Variants in HECTD4 observed in about 807,000 individuals in gnomAD.
The protein encoded by HECTD4 is HECT domain E3 ubiquitin protein ligase 4, also known as probable E3 ubiquitin-protein ligase HECTD4.
In HECTD4, 114 loss-of-function variants were observed where a neutral mutation model predicts 471.5. The ratio of observed to expected loss-of-function variants is 0.24; its 90% CI spans 0.21 to 0.28. The LOEUF (loss-of-function observed/expected upper bound fraction) is 0.28, where lower values mean the gene tolerates loss of function less well. Ranked by LOEUF, HECTD4 falls within the 10% of genes least tolerant of loss-of-function variation. The pLI is 1.00. For synonymous variants in HECTD4, 2,012 were observed against 2,256.0 expected, an observed-to-expected ratio of 0.89 and a Z score of 3.07; for missense variants, 3,866 against 5,651.5, an observed-to-expected ratio of 0.68 and a Z score of 10.13.
At position 112,207,885 on chromosome 12, in the gene HECTD4, GC is replaced by G; in HGVS notation, c.8119del (p.Ala2707ProfsTer4). 6.2e-7 allele frequency: 1 copy of G among 1,613,878 alleles called. No homozygotes were observed. Among genetic ancestry groups the G allele is most frequent in the Non-Finnish European group, 8.5e-7 (1 of 1,179,830 alleles). ...AAAAAGTACCAGACCTAGTTGTAAG[GC>G]CCCCTTTATCTGGTCCAGGCCCGAT... ...RKSGLDQIKG[A>X]LQLGMVDIAR... On this transcript the variant is annotated frameshift_variant, in exon 52 of 76. Transcript: ENST00000682272. LOFTEE classifies it high-confidence loss of function.
intron 32 of HECTD4, among the ~76,000 whole-genome samples, chr12:112,240,809 T>C (rs2033624859): frequency 6.6e-6 from 1 of 152,214 alleles, no homozygotes; most frequent in African/African-American, 2.4e-5. Context: ...GTGTCTGTTT[T>C]TGAGTTCACA....
chr12:112,183,434 G>A (rs1054277302), intron 61 of HECTD4, among the ~76,000 whole-genome samples, 168 bp from the exon 62 acceptor site: 2 of 152,104 alleles, frequency 1.3e-5, no homozygotes, highest in African/African-American at 4.8e-5. Context: ...TCTCCCACAG[G>A]CCAACAACAG....
At chr12:112,219,557 T>C (rs112725417) in intron 44 of HECTD4, 68 bp from the exon 45 acceptor site, 25,329 of 1,080,428 alleles carry the variant, frequency 0.023, 364 homozygotes, top group Middle Eastern at 0.044. Context: ...CTGACTCTTT[T>C]GGAGCAGCAT....
chr12:112,342,371 C>T (rs1034658023), intron 1 of HECTD4, among the ~76,000 whole-genome samples: 6 of 152,132 alleles, frequency 3.9e-5, no homozygotes, highest in Non-Finnish European at 2.9e-5. Flanking sequence ...GTGGGAGGAT[C>T]GCTTGAGCCT....
At chr12:112,372,531 A>AC (rs1416547447) in intron 1 of HECTD4, among the ~76,000 whole-genome samples, 4 of 151,574 alleles carry the variant, frequency 2.6e-5, no homozygotes, top group Admixed American at 6.6e-5. Context: ...TGATCCGCCC[A>AC]CCTCTGCCTC....
In HECTD4 at chr12:112,382,150, G is replaced by T. The variant is rs1594091927; in HGVS notation, c.-22C>A. ...CCATGGCCCCGGCTGAAGGCTTGGC[G>T]CTGAGGAGCAGACGCCCGGCCGGGG... On this transcript the variant is annotated 5_prime_UTR_variant, in exon 1 of 76. Coordinates refer to ENST00000682272, the MANE Select transcript of HECTD4 (RefSeq NM_001388303.1). 8.2e-7 allele frequency: 1 copy of T among 1,217,644 alleles called. No individual in the cohort carries two copies. Among genetic ancestry groups the T allele is most frequent in the Non-Finnish European group, 1.0e-6 (1 of 980,544 alleles). The allele number at this position is 1,217,644 out of a possible 1,614,324, so 75.4% of individuals were successfully genotyped here.
In HECTD4 at chr12:112,193,346, G is replaced by A. The variant is rs1412935539; in HGVS notation, c.8955+123C>T. 2 of 1,351,102 alleles carry A rather than the reference G, an allele frequency of 1.5e-6. No homozygotes were observed. The highest frequency in any genetic ancestry group is 2.0e-6 in the Non-Finnish European group (2 of 978,318). The allele number at this position is 1,351,102 out of a possible 1,614,324, so 83.7% of individuals were successfully genotyped here. ...ATGAGATAAAGCAGAAAAGCTTCTA[G>A]GAAAAGGAAATCGAGAGGAATAGGG... On this transcript the variant is annotated intron_variant, in intron 57 of 75. Coordinates refer to ENST00000682272, the MANE Select transcript of HECTD4 (RefSeq NM_001388303.1). The surrounding 1 kb of genome is among the most constrained non-coding windows in gnomAD (Gnocchi z 5.2).
intron 14 of HECTD4, among the ~76,000 whole-genome samples, 152 bp from the exon 15 acceptor site, chr12:112,266,135 C>T (rs1052596151): frequency 2.0e-5 from 3 of 152,234 alleles, no homozygotes; most frequent in African/African-American, 7.2e-5. Context: ...AAAACGACAT[C>T]ACAACGAATC....
At chr12:112,217,341 A>G in intron 45 of HECTD4, 146 bp from the exon 46 acceptor site, 1 of 471,440 alleles carries the variant, frequency 2.1e-6, no homozygotes, top group Non-Finnish European at 3.7e-6. Context: ...ACACATACAC[A>G]CACACACACA....
At chr12:112,272,830 G>T (rs546806583) in intron 11 of HECTD4, among the ~76,000 whole-genome samples, 2 of 152,290 alleles carry the variant, frequency 1.3e-5, no homozygotes, top group Non-Finnish European at 2.9e-5. Flanking sequence ...TGGACATGAG[G>T]TTTTTCCACG....
intron 7 of HECTD4, among the ~76,000 whole-genome samples, chr12:112,293,915 G>A (rs1476313707): frequency 2.0e-5 from 3 of 151,800 alleles, no homozygotes; most frequent in South Asian, 2.1e-4. Flanking sequence ...TTTTGTGGGC[G>A]GGGAGGCAAG....
In HECTD4 at chr12:112,228,126, T is replaced by A; in HGVS notation, c.6817A>T (p.Met2273Leu). ...PATGDGSAPV[M>L]AVVRLLAEIR... ...TCAGCAAGGAGCCGAACGACTGCCA[T>A]CACAGGAGCTGACCCATCTCCTGTT... The change falls in exon 43 of 76, where the codon ATG becomes TTG. Residue 2273 changes from methionine to leucine, a missense_variant. Physicochemically the swap from Met to Leu is conservative, Grantham distance 15. Coordinates refer to ENST00000682272, the MANE Select transcript of HECTD4 (RefSeq NM_001388303.1). The surrounding 1 kb of genome is among the most constrained non-coding windows in gnomAD (Gnocchi z 4.9). The A allele has an allele frequency of 6.2e-7, 1 of 1,613,500 alleles. No homozygotes were observed. Among genetic ancestry groups the A allele is most frequent in the South Asian group, 1.1e-5 (1 of 91,000 alleles).
chr12:112,293,838 T>A (rs1416255470), intron 7 of HECTD4, among the ~76,000 whole-genome samples: 1 of 152,226 alleles, frequency 6.6e-6, no homozygotes, highest in Non-Finnish European at 1.5e-5. Flanking sequence ...AAAATATTTT[T>A]AATTAAAACA....
chr12:112,166,568 AG>A lies in HECTD4; in HGVS notation c.12534+748del, dbSNP rs2030970351. 1 of 152,338 alleles carries A rather than the reference AG, an allele frequency of 6.6e-6. No individual in the cohort carries two copies. Among genetic ancestry groups the A allele is most frequent in the Non-Finnish European group, 1.5e-5 (1 of 68,124 alleles). The allele number at this position is 152,338 out of a possible 1,614,324, so 9.4% of individuals were successfully genotyped here. On this transcript the variant is annotated intron_variant, in intron 72 of 75. Coordinates refer to ENST00000682272, the MANE Select transcript of HECTD4 (RefSeq NM_001388303.1). This position sits in a 1 kb window ranked among gnomAD's most constrained non-coding sequence, Gnocchi z 4.6. Reference sequence around the variant, plus strand: ...CGTGGTGCTGGAGAGCCCGGAAGTCAGAGCAGGCAGCCCTGGGCTCCTGGTG... The same window carrying A: ...CGTGGTGCTGGAGAGCCCGGAAGTCAAGCAGGCAGCCCTGGGCTCCTGGTG...
chr12:112,176,717 A>G lies in HECTD4; in HGVS notation c.11364-15T>C. On this transcript the variant is annotated splice_polypyrimidine_tract_variant and intron_variant, in intron 64 of 75. Transcript: ENST00000682272. Reference sequence around the variant, plus strand: ...AGGCAGTCCTGCTGTAGACCAAAGCACTGGAATTAGACTAATGCACGTTCA... The same window carrying G: ...AGGCAGTCCTGCTGTAGACCAAAGCGCTGGAATTAGACTAATGCACGTTCA... 6.3e-7 allele frequency: 1 copy of G among 1,579,346 alleles called. No homozygotes were observed.
At chr12:112,290,848 C>CAAAAAAAAAAAAAAAAAAAAAAAAA (rs773634720) in intron 7 of HECTD4, among the ~76,000 whole-genome samples, 1 of 86,250 alleles carries the variant, frequency 1.2e-5, no homozygotes, top group South Asian at 3.4e-4. Context: ...AACTCCGTCT[C>CAAAAAAAAAAAAAAAAAAAAAAAAA]AAAAAAAAAC....
At chr12:112,302,487 T>A in intron 7 of HECTD4, 2 of 742,582 alleles carry the variant, frequency 2.7e-6, no homozygotes, top group Admixed American at 1.7e-5. Context: ...TGCTGCAACC[T>A]GACATAGCGG....
intron 1 of HECTD4, among the ~76,000 whole-genome samples, chr12:112,347,170 AT>A (rs1186313010): frequency 3.9e-5 from 6 of 152,102 alleles, no homozygotes. Flanking sequence ...TGAATAAAAA[AT>A]ATCTGATGAT....
rs1219710464 is a variant in HECTD4, at chr12:112,184,009, G to C, written c.10779+178C>G. Among the ~76,000 whole-genome samples, 1 of 152,226 alleles carries C rather than the reference G, an allele frequency of 6.6e-6. No individual in the cohort carries two copies. Among genetic ancestry groups the C allele is most frequent in the Non-Finnish European group, 1.5e-5 (1 of 68,040 alleles). ...CCTTTACTTCGTGATATGGGACTTG[G>C]TGTCACTCAGAGACGTTACCCCAAG... On this transcript the variant is annotated intron_variant, in intron 61 of 75. Coordinates refer to ENST00000682272, the MANE Select transcript of HECTD4 (RefSeq NM_001388303.1). This position sits in a 1 kb window ranked among gnomAD's most constrained non-coding sequence, Gnocchi z 9.1.
Sources: allele counts gnomAD v4.1 joint callset (sites outside exome capture counted in the v4.1 genomes callset), GRCh38; gene constraint gnomAD v4.1.1; non-coding constraint Gnocchi (gnomAD v3.1); transcripts MANE v1.5; gene names NCBI Gene and HGNC (gene_info 2026-07-23, HGNC 2026-07-21).